The following TBC1D32 variants were observed in gnomAD, a reference collection of about 807,000 sequenced individuals.
TBC1D32 encodes protein broad-minded.
A neutral mutation model predicts 170.3 loss-of-function variants in TBC1D32; 151 were observed. The observed-to-expected ratio is 0.89, with a 90% CI of 0.78 to 1.01. TBC1D32 has a LOEUF of 1.01. TBC1D32 is among the 50% of genes least tolerant of loss of function. TBC1D32 has a pLI of 0.00. For synonymous variants in TBC1D32, 498 were observed against 488.0 expected (o/e 1.02, Z -0.27); for missense variants, 1,464 against 1,457.1 (o/e 1.00, Z -0.08).
In TBC1D32 at chr6:121,204,404, A is replaced by C. The variant is rs76681926; in HGVS notation, c.2570+671T>G. Among the ~76,000 whole-genome samples the C allele has an allele frequency of 9.2e-3, 1,388 of 151,380 alleles. 84 individuals are homozygous for C. Among genetic ancestry groups the C allele is most frequent in the African/African-American group, 0.032 (1,314 of 40,728 alleles). ...CATTGATCTCCCTCAAGTCTAAAAAAGTTACTTTGCTAATAGAAAAGAAAG... is the reference window on the plus strand; with the variant it reads ...CATTGATCTCCCTCAAGTCTAAAAACGTTACTTTGCTAATAGAAAAGAAAG... On this transcript the variant is annotated intron_variant, in intron 22 of 31. Transcript: ENST00000398212.
intron 17 of TBC1D32, among the ~76,000 whole-genome samples, chr6:121,249,436 A>G (rs560669581): frequency 6.6e-6 from 1 of 152,082 alleles, no homozygotes; most frequent in East Asian, 1.9e-4. Context: ...CACCACTTCT[A>G]TTTGACATAG....
At chr6:121,172,576 T>G (rs957447209) in intron 22 of TBC1D32, among the ~76,000 whole-genome samples, 5 of 152,140 alleles carry the variant, frequency 3.3e-5, no homozygotes, top group African/African-American at 1.2e-4. Context: ...CCTGCTGAGG[T>G]GCTTGCTGAA....
intron 17 of TBC1D32, among the ~76,000 whole-genome samples, chr6:121,251,859 G>GA (rs1423482860): frequency 6.6e-6 from 1 of 151,972 alleles, no homozygotes; most frequent in Non-Finnish European, 1.5e-5. Flanking sequence ...AAATTTACAA[G>GA]AAAAAACAAC....
At chr6:121,313,105 G>GGTGTGTGT (rs71018125) in intron 3 of TBC1D32, among the ~76,000 whole-genome samples, 140 of 111,242 alleles carry the variant, frequency 1.3e-3, no homozygotes, top group African/African-American at 2.1e-3. Context: ...AAGCTAAGGT[G>GGTGTGTGT]GTGTGTGTGT....
intron 22 of TBC1D32, among the ~76,000 whole-genome samples, chr6:121,162,150 C>T (rs1462737886): frequency 3.9e-5 from 6 of 152,088 alleles, no homozygotes; most frequent in African/African-American, 1.4e-4. Context: ...GGTTGTCTGT[C>T]CACTCTGATG....
At chr6:121,183,348 G>A (rs1048528609) in intron 22 of TBC1D32, among the ~76,000 whole-genome samples, 6 of 152,042 alleles carry the variant, frequency 3.9e-5, no homozygotes, top group East Asian at 1.9e-4. Context: ...TTGAGGATAC[G>A]GGATGATGTT....
At chr6:121,130,257 G>A (rs1270777292) in intron 25 of TBC1D32, among the ~76,000 whole-genome samples, 1 of 152,020 alleles carries the variant, frequency 6.6e-6, no homozygotes, top group Non-Finnish European at 1.5e-5. Flanking sequence ...TGAGGCGGGT[G>A]GATCACCTGA....
At chr6:121,263,657 C>A (rs1800070788) in intron 15 of TBC1D32, among the ~76,000 whole-genome samples, 1 of 152,184 alleles carries the variant, frequency 6.6e-6, no homozygotes, top group African/African-American at 2.4e-5. Context: ...TTCTCAGTGC[C>A]ACATGGCACT....
intron 25 of TBC1D32, chr6:121,130,053 T>TAA (rs56964955): frequency 0.016 from 5,678 of 344,200 alleles, 293 homozygotes; most frequent in African/African-American, 0.11. Context: ...GACTCTTATA[T>TAA]AAGAAGACTT....
chr6:121,092,053 G>C (rs1196503755), intron 30 of TBC1D32, among the ~76,000 whole-genome samples: 1 of 152,104 alleles, frequency 6.6e-6, no homozygotes, highest in African/African-American at 2.4e-5. Context: ...TCTTTCCTTA[G>C]CAACTATGGA....
At chr6:121,323,549 C>T (rs1260159060) in intron 1 of TBC1D32, among the ~76,000 whole-genome samples, 2 of 152,146 alleles carry the variant, frequency 1.3e-5, no homozygotes, top group African/African-American at 2.4e-5. Context: ...ACTTTAAATA[C>T]CTAATCAATC....
At chr6:121,269,308 A>T (rs1801009317) in intron 15 of TBC1D32, among the ~76,000 whole-genome samples, 1 of 152,172 alleles carries the variant, frequency 6.6e-6, no homozygotes, top group Non-Finnish European at 1.5e-5. Flanking sequence ...ATTAAAAGAC[A>T]TAGACTGGCA....
rs760679581 is a variant in TBC1D32, at chr6:121,304,867, A to G, written c.691-34T>C. ...ATGAGACAGAAAATTTGCATCTAAG[A>G]TCTCACAAGAATAGAATAGAGATGA... On this transcript the variant is annotated intron_variant, in intron 5 of 31. Transcript: ENST00000398212. The G allele has an allele frequency of 3.6e-6, 5 of 1,388,912 alleles. No individual in the cohort carries two copies. The East Asian group carries it at 9.2e-5, about 25-fold the overall frequency. 86.0% of individuals were successfully genotyped at this position (1,388,912 alleles called of 1,614,324 possible). A position where few individuals can be genotyped will look rare whatever the true frequency, so the allele number is the denominator to read the frequency against.
At chr6:121,205,959 C>A (rs113565543) in intron 21 of TBC1D32, among the ~76,000 whole-genome samples, 1 of 152,052 alleles carries the variant, frequency 6.6e-6, no homozygotes, top group Non-Finnish European at 1.5e-5. Context: ...TGCCTGTAAT[C>A]CCAGCACTTT....
At chr6:121,262,352 G>GA (rs1416406510) in intron 15 of TBC1D32, among the ~76,000 whole-genome samples, 1 of 151,802 alleles carries the variant, frequency 6.6e-6, no homozygotes, top group East Asian at 1.9e-4. Flanking sequence ...TGAAATGAAA[G>GA]AAAAAATGTT....
Position 121,080,869 on chromosome 6 carries a change from G to C in TBC1D32, c.3676C>G (p.Arg1226Gly). 6.2e-7 allele frequency: 1 copy of C among 1,613,492 alleles called. No individual in the cohort carries two copies. The highest frequency in any genetic ancestry group is 8.5e-7 in the Non-Finnish European group (1 of 1,179,774). The part of the protein sequence containing the change: ...FLKEEALHGF[R>G]VSDYFEYMEI... ...ATGTATTCAAAATAATCACTCACTC[G>C]AAACCCATGCAGTGCTTCTTCCTGC... Residue 1226 changes from arginine to glycine, a missense_variant, in exon 32 of 32, where the codon CGA (arginine) becomes GGA (glycine). Transcript: ENST00000398212.
At chr6:121,273,448 C>T (rs1407981774) in intron 15 of TBC1D32, among the ~76,000 whole-genome samples, 1 of 151,330 alleles carries the variant, frequency 6.6e-6, no homozygotes, top group East Asian at 2.0e-4. Flanking sequence ...AATGAGAACA[C>T]TTGGACACAG....
chr6:121,247,262 C>A (rs988295022), intron 17 of TBC1D32, among the ~76,000 whole-genome samples: 2 of 151,862 alleles, frequency 1.3e-5, no homozygotes, highest in Admixed American at 1.3e-4. Context: ...CTTTTTCAGA[C>A]AAACAAATGC....
intron 22 of TBC1D32, among the ~76,000 whole-genome samples, chr6:121,170,015 C>A (rs1466171616): frequency 1.3e-5 from 2 of 151,946 alleles, no homozygotes; most frequent in Non-Finnish European, 2.9e-5. Flanking sequence ...AAATTTTGTT[C>A]AATGGGTCAT....
Sources: gnomAD v4.1 joint callset for allele counts (sites outside exome capture counted in the v4.1 genomes callset) on GRCh38, gnomAD v4.1.1 for gene constraint, MANE v1.5 for transcripts, NCBI Gene and HGNC (gene_info 2026-07-23, HGNC 2026-07-21) for gene names.